DGKB: variants seen among roughly 807,000 people sequenced by gnomAD.
DGKB encodes 90 kDa diacylglycerol kinase.
A neutral mutation model predicts 114.3 loss-of-function variants in DGKB; 67 were observed. That is an observed-to-expected ratio of 0.59 (90% CI 0.48 to 0.72). The LOEUF (loss-of-function observed/expected upper bound fraction) is 0.72, where lower values mean the gene tolerates loss of function less well. DGKB is among the 30% of genes least tolerant of loss of function. The probability of loss-of-function intolerance (pLI) is 0.00; values close to 1 mark genes in which losing one functional copy is unlikely to be tolerated. For missense variants in DGKB, 907 were observed against 975.2 expected (o/e 0.93, Z 0.93); for synonymous variants, 398 against 323.1 (o/e 1.23, Z -2.49).
At chr7:14,522,130 TTAAG>T (rs1478909174) in intron 20 of DGKB, among the ~76,000 whole-genome samples, 2 of 152,204 alleles carry the variant, frequency 1.3e-5, no homozygotes, top group Admixed American at 6.5e-5. Context: ...ACCTTGGTTA[TTAAG>T]TGTTTCATTT....
intron 7 of DGKB, among the ~76,000 whole-genome samples, chr7:14,699,374 A>G (rs1355454269): frequency 2.0e-5 from 3 of 152,110 alleles, no homozygotes; most frequent in African/African-American, 7.2e-5. Flanking sequence ...TTAAGAACAG[A>G]AACTATTTTT....
Position 14,241,957 on chromosome 7 carries a change from T to TAC in DGKB, c.2123-63808_2123-63807dup, listed in dbSNP as rs71033980. 2.3e-3 allele frequency among the ~76,000 whole-genome samples: 341 copies of TAC among 148,256 alleles called. 4 individuals carry two copies. The highest frequency in any genetic ancestry group is 0.011 in the Middle Eastern group (3 of 280). Reference sequence around the variant, plus strand: ...ATATAGATATATACACACACACATATACACACACACACACACACACACACA... The same window carrying TAC: ...ATATAGATATATACACACACACATATACACACACACACACACACACACACACA... On this transcript the variant is annotated intron_variant, in intron 23 of 25. Coordinates refer to ENST00000402815, the MANE Select transcript of DGKB (RefSeq NM_001350709.2).
intron 23 of DGKB, among the ~76,000 whole-genome samples, chr7:14,320,166 G>T (rs113602217): frequency 6.6e-6 from 1 of 152,140 alleles, no homozygotes; most frequent in African/African-American, 2.4e-5. Context: ...GGGAGGCGGG[G>T]GTCCAGCAGT....
intron 14 of DGKB, among the ~76,000 whole-genome samples, chr7:14,629,096 C>T (rs1025563211): frequency 3.3e-5 from 5 of 151,952 alleles, no homozygotes; most frequent in African/African-American, 1.2e-4. Flanking sequence ...CTTGATTGGG[C>T]TGGTAATCGG....
At chr7:14,913,344 C>A (rs1784087462) in intron 1 of DGKB, among the ~76,000 whole-genome samples, 1 of 151,492 alleles carries the variant, frequency 6.6e-6, no homozygotes, top group African/African-American at 2.4e-5. Flanking sequence ...ACCATTATGG[C>A]ACTTTTTACA....
chr7:14,478,809 A>G (rs997518658), intron 20 of DGKB, among the ~76,000 whole-genome samples: 124 of 151,972 alleles, frequency 8.2e-4, no homozygotes, highest in Non-Finnish European at 1.2e-3. Flanking sequence ...AATAGAAAAA[A>G]AAAACAACAA....
intron 21 of DGKB, among the ~76,000 whole-genome samples, chr7:14,349,590 G>A (rs1813093464): frequency 6.6e-6 from 1 of 152,038 alleles, no homozygotes; most frequent in African/African-American, 2.4e-5. Context: ...TAGCATTACT[G>A]CTCATGTGCA....
intron 21 of DGKB, among the ~76,000 whole-genome samples, chr7:14,438,888 G>C (rs1829656618): frequency 6.6e-6 from 1 of 151,310 alleles, no homozygotes; most frequent in Admixed American, 6.6e-5. Context: ...AAAATGTAGT[G>C]ACCTGAATAT....
At chr7:14,199,377 T>A (rs1442254073) in intron 23 of DGKB, among the ~76,000 whole-genome samples, 1 of 151,966 alleles carries the variant, frequency 6.6e-6, no homozygotes, top group Non-Finnish European at 1.5e-5. Context: ...AATAAAAATG[T>A]CTGATCTAAG....
chr7:14,760,076 A>G (rs1428520460), intron 2 of DGKB, among the ~76,000 whole-genome samples: 1 of 152,156 alleles, frequency 6.6e-6, no homozygotes, highest in African/African-American at 2.4e-5. Flanking sequence ...TGTCTATTCA[A>G]GTTCTTTGAC....
chr7:14,890,507 A>G (rs73056941), intron 1 of DGKB, among the ~76,000 whole-genome samples: 47,515 of 151,276 alleles, frequency 0.31, 9,428 homozygotes, highest in Non-Finnish European at 0.44. Context: ...AAGTCCTAGC[A>G]CAAGTGACCA....
chr7:14,478,025 TAC>T (rs3839747), intron 21 of DGKB, 134 bp downstream of exon 21: 6,561 of 391,850 alleles, frequency 0.017, no homozygotes, highest in East Asian at 0.025. Context: ...TCTTAATATT[TAC>T]ACACACACAC....
rs561576058 is a variant in DGKB at position 14,741,849 on chromosome 7, G to A, written c.169-5655C>T. On this transcript the variant is annotated intron_variant, in intron 4 of 25. Coordinates refer to ENST00000402815, the MANE Select transcript of DGKB (RefSeq NM_001350709.2). ...GGCATGGCTAAAGTTGGGTAGCTAG[G>A]GATTTAAAAGGATTTTCTTAAAGAA... Among the ~76,000 whole-genome samples the A allele has an allele frequency of 4.6e-5, 7 of 152,160 alleles. No individual in the cohort carries two copies. In the South Asian group the frequency reaches 1.5e-3, roughly 32 times the overall value.
At chr7:14,951,058 T>A (rs545576143) in intron 1 of DGKB, among the ~76,000 whole-genome samples, 6 of 152,088 alleles carry the variant, frequency 3.9e-5, no homozygotes, top group African/African-American at 1.4e-4. Context: ...GCTTTCATGA[T>A]TAGTGGAAAA....
At chr7:14,899,702 C>A (rs903135164) in intron 1 of DGKB, among the ~76,000 whole-genome samples, 2 of 152,022 alleles carry the variant, frequency 1.3e-5, no homozygotes, top group African/African-American at 2.4e-5. Flanking sequence ...CGTGAGTGTG[C>A]CAACTTTGGA....
chr7:14,232,548 A>G (rs926725120), intron 23 of DGKB, among the ~76,000 whole-genome samples: 1 of 151,900 alleles, frequency 6.6e-6, no homozygotes, highest in Non-Finnish European at 1.5e-5. Context: ...GACAAAAGCA[A>G]GAGAATCATA....
At chr7:14,586,194 GA>G (rs1800731619) in intron 17 of DGKB, among the ~76,000 whole-genome samples, 1 of 152,068 alleles carries the variant, frequency 6.6e-6, no homozygotes, top group Non-Finnish European at 1.5e-5. Context: ...GTTATTGAAG[GA>G]AATTAAAAGT....
At chr7:14,643,918 T>C (rs1247388400) in intron 13 of DGKB, among the ~76,000 whole-genome samples, 1 of 152,138 alleles carries the variant, frequency 6.6e-6, no homozygotes, top group African/African-American at 2.4e-5. Flanking sequence ...GCTGCGCACC[T>C]TTGCACACCA....
chr7:14,645,044 A>G (rs555729047), intron 13 of DGKB, among the ~76,000 whole-genome samples: 1 of 152,142 alleles, frequency 6.6e-6, no homozygotes, highest in African/African-American at 2.4e-5. Flanking sequence ...TCTCCATCTC[A>G]CCCACTCAGT....
Sources: gnomAD v4.1 joint callset for allele counts (sites outside exome capture counted in the v4.1 genomes callset) on GRCh38, gnomAD v4.1.1 for gene constraint, MANE v1.5 for transcripts, NCBI Gene and HGNC (gene_info 2026-07-23, HGNC 2026-07-21) for gene names.